FAR2: variants seen among roughly 807,000 people sequenced by gnomAD.
FAR2 encodes epididymis secretory protein Li 81.
FAR2 carries 19 observed loss-of-function variants against 56.0 expected under a neutral mutation model. The ratio of observed to expected loss-of-function variants is 0.34; its 90% CI spans 0.24 to 0.50. FAR2 has a LOEUF of 0.50. Among genes scored for constraint, FAR2 ranks in the 20% least tolerant of loss-of-function variants. The pLI is 0.98. For missense variants in FAR2, 508 were observed against 642.2 expected (o/e 0.79, Z 2.26); for synonymous variants, 219 against 218.8 (o/e 1.00, Z -0.01).
chr12:29,160,801 A>T (rs1457817703), intron 1 of FAR2, among the ~76,000 whole-genome samples: 1 of 152,066 alleles, frequency 6.6e-6, no homozygotes, highest in Non-Finnish European at 1.5e-5. Context: ...TTATAAAGAC[A>T]TCCATCATAT....
intron 2 of FAR2, among the ~76,000 whole-genome samples, chr12:29,278,477 C>T (rs1234992713): frequency 6.6e-6 from 1 of 151,734 alleles, no homozygotes; most frequent in East Asian, 1.9e-4. Flanking sequence ...GTAGCTGGGA[C>T]CACAAATATG....
At chr12:29,164,225 T>C in intron 1 of FAR2, among the ~76,000 whole-genome samples, 1 of 152,208 alleles carries the variant, frequency 6.6e-6, no homozygotes, top group Admixed American at 6.5e-5. Context: ...AGTACACCTA[T>C]TTAGGTCTCT....
At chr12:29,186,481 G>T (rs892502626) in intron 1 of FAR2, among the ~76,000 whole-genome samples, 2 of 152,174 alleles carry the variant, frequency 1.3e-5, no homozygotes, top group African/African-American at 4.8e-5. Context: ...CTTTTAAGGA[G>T]TTGCAAATTG....
chr12:29,172,429 G>A (rs1459387621), intron 1 of FAR2, among the ~76,000 whole-genome samples: 1 of 152,132 alleles, frequency 6.6e-6, no homozygotes, highest in East Asian at 1.9e-4. Flanking sequence ...CTGATAACAA[G>A]CCCTACCCGG....
At chr12:29,283,689 C>T (rs1948823371) in intron 2 of FAR2, among the ~76,000 whole-genome samples, 1 of 152,094 alleles carries the variant, frequency 6.6e-6, no homozygotes, top group African/African-American at 2.4e-5. Context: ...ATCTGAGGAG[C>T]TGCTAGGTAA....
At chr12:29,213,138 C>G (rs1321208753) in intron 1 of FAR2, among the ~76,000 whole-genome samples, 1 of 151,976 alleles carries the variant, frequency 6.6e-6, no homozygotes, top group African/African-American at 2.4e-5. Context: ...TTGTAAGTCT[C>G]CTATTCAGAA....
At chr12:29,187,752 T>G (rs1200664843) in intron 1 of FAR2, among the ~76,000 whole-genome samples, 3 of 152,240 alleles carry the variant, frequency 2.0e-5, no homozygotes, top group Non-Finnish European at 4.4e-5. Flanking sequence ...TGTCTATACT[T>G]TCTGGCTGAA....
chr12:29,241,242 C>T (rs1251452851), intron 1 of FAR2, among the ~76,000 whole-genome samples: 2 of 152,288 alleles, frequency 1.3e-5, no homozygotes, highest in South Asian at 2.1e-4. Flanking sequence ...TATGTATGTA[C>T]ACATATGCCA....
chr12:29,179,688 G>A (rs1394292754), intron 1 of FAR2, among the ~76,000 whole-genome samples: 4 of 152,132 alleles, frequency 2.6e-5, no homozygotes, highest in African/African-American at 9.7e-5. Context: ...CTTTTCCTAT[G>A]ATGAGTGGAA....
At position 29,307,684 on chromosome 12, in the gene FAR2, A is replaced by G; in HGVS notation, c.572A>G (p.Glu191Gly). 1 of 1,612,394 alleles carries G rather than the reference A, an allele frequency of 6.2e-7. No homozygotes were observed. Among genetic ancestry groups the G allele is most frequent in the Non-Finnish European group, 8.5e-7 (1 of 1,179,402 alleles). Residue 191 changes from glutamate (E) to glycine (G), a missense_variant, in exon 5 of 12, where the codon GAG becomes GGG. Glu to Gly is a moderately conservative substitution (Grantham distance 98). Coordinates refer to ENST00000536681, the MANE Select transcript of FAR2 (RefSeq NM_001271783.2). Reference protein sequence around the residue: ...LEWLDDAIIDEITPKLIRDWP... With the variant: ...LEWLDDAIIDGITPKLIRDWP... ...TGGTTAGACGATGCTATTATTGACGAGATTACACCCAAGCTGATCAGAGAT... is the reference window on the plus strand; with the variant it reads ...TGGTTAGACGATGCTATTATTGACGGGATTACACCCAAGCTGATCAGAGAT...
chr12:29,322,726 T>C (rs1949573817), intron 10 of FAR2, among the ~76,000 whole-genome samples: 1 of 152,244 alleles, frequency 6.6e-6, no homozygotes. Context: ...GAAACAATTT[T>C]CTAAAATGTA....
chr12:29,164,122 T>A (rs1001871860), intron 1 of FAR2, among the ~76,000 whole-genome samples: 7 of 152,220 alleles, frequency 4.6e-5, no homozygotes, highest in African/African-American at 1.7e-4. Context: ...AATACAGTAC[T>A]ATGGAAGTGT....
chr12:29,172,226 T>G (rs923369832), intron 1 of FAR2, among the ~76,000 whole-genome samples: 9 of 147,076 alleles, frequency 6.1e-5, no homozygotes, highest in African/African-American at 2.3e-4. Flanking sequence ...AAGTGAGAAG[T>G]GTCTCTGCCT....
At chr12:29,217,414 CCCATGGGACTTT>C (rs2054666338) in intron 1 of FAR2, among the ~76,000 whole-genome samples, 1 of 152,080 alleles carries the variant, frequency 6.6e-6, no homozygotes, top group African/African-American at 2.4e-5. Flanking sequence ...GCTGATTGTC[CCCATGGGACTTT>C]TGCTGAGTTT....
intron 7 of FAR2, 103 bp from the exon 8 acceptor site, chr12:29,311,780 A>T: frequency 1.2e-6 from 1 of 806,062 alleles, no homozygotes; most frequent in Non-Finnish European, 1.9e-6. Flanking sequence ...CCTTAATCAG[A>T]TGAATTACTG....
chr12:29,228,795 CCAGGCTGGT>C (rs1947809334), intron 1 of FAR2, among the ~76,000 whole-genome samples: 1 of 152,154 alleles, frequency 6.6e-6, no homozygotes, highest in African/African-American at 2.4e-5. Flanking sequence ...GCCATGTTGG[CCAGGCTGGT>C]CTCAAACTCC....
intron 1 of FAR2, among the ~76,000 whole-genome samples, chr12:29,179,672 G>A (rs1475814407): frequency 6.6e-6 from 1 of 152,086 alleles, no homozygotes; most frequent in Non-Finnish European, 1.5e-5. Context: ...TCTAATTTCA[G>A]GAATACTTTT....
At chr12:29,287,048 T>C (rs1278632612) in intron 2 of FAR2, among the ~76,000 whole-genome samples, 1 of 152,160 alleles carries the variant, frequency 6.6e-6, no homozygotes. Flanking sequence ...TCAAATATAA[T>C]ATTTCATGAC....
At chr12:29,230,546 G>C (rs1209174694) in intron 1 of FAR2, among the ~76,000 whole-genome samples, 3 of 152,060 alleles carry the variant, frequency 2.0e-5, no homozygotes, top group Non-Finnish European at 4.4e-5. Context: ...GGATCACCGG[G>C]TCTGACATAT....
Sources: allele counts gnomAD v4.1 joint callset (sites outside exome capture counted in the v4.1 genomes callset), GRCh38; gene constraint gnomAD v4.1.1; transcripts MANE v1.5; gene names NCBI Gene and HGNC (gene_info 2026-07-23, HGNC 2026-07-21).